Variants in VPS36 observed in about 807,000 individuals in gnomAD.
VPS36 encodes vacuolar protein sorting 36 homolog, also known as vacuolar protein-sorting-associated protein 36.
VPS36 carries 31 observed loss-of-function variants against 63.5 expected under a neutral mutation model. The observed-to-expected ratio is 0.49, with a 90% confidence interval of 0.37 to 0.66. VPS36 has a LOEUF of 0.66. Among genes scored for constraint, VPS36 ranks in the 30% least tolerant of loss-of-function variants. The probability of loss-of-function intolerance (pLI) is 0.00; values close to 1 mark genes in which losing one functional copy is unlikely to be tolerated. For synonymous variants in VPS36, 138 were observed against 157.2 expected (o/e 0.88, Z 0.91); for missense variants, 338 against 463.7 (o/e 0.73, Z 2.49).
At chr13:52,424,709 G>T (rs1466716378) in intron 9 of VPS36, among the ~76,000 whole-genome samples, 2 of 152,164 alleles carry the variant, frequency 1.3e-5, no homozygotes, top group Non-Finnish European at 2.9e-5. Context: ...ATACTAGGCC[G>T]GCACGGTGGC....
chr13:52,450,418 C>CCCGGGCCGCGCTGAG (rs1222170960), intron 1 of VPS36, 81 bp downstream of exon 1: 3 of 1,431,708 alleles, frequency 2.1e-6, no homozygotes, highest in South Asian at 1.3e-5. Flanking sequence ...GCCGCGCCGA[C>CCCGGGCCGCGCTGAG]CCGGGCCGCG....
At chr13:52,435,513 G>A (rs545787000) in intron 4 of VPS36, among the ~76,000 whole-genome samples, 1 of 152,052 alleles carries the variant, frequency 6.6e-6, no homozygotes, top group Non-Finnish European at 1.5e-5. Context: ...GATTGTTTTC[G>A]ATCTATAATG....
intron 1 of VPS36, 45 bp downstream of exon 1, chr13:52,450,454 G>T: frequency 1.3e-6 from 2 of 1,557,970 alleles, no homozygotes; most frequent in Non-Finnish European, 8.7e-7. Context: ...CGCCCACCGG[G>T]GGTCCCTTCC....
At position 52,450,615 on chromosome 13, in the gene VPS36, G is replaced by A. The variant is rs112322281; in HGVS notation, c.-21C>T. 1 of 1,549,418 alleles carries A rather than the reference G, an allele frequency of 6.5e-7. No homozygotes were observed. The highest frequency in any genetic ancestry group is 1.9e-5 in the Admixed American group (1 of 53,292). On this transcript the variant is annotated 5_prime_UTR_variant, in exon 1 of 14. Transcript: ENST00000378060. ...TCCATGGCCGCTGCCACCCAGCCCC[G>A]GCCCTCCGAGGCCGCGAGCAGCGCG...
At chr13:52,418,591 A>G (rs1279348798) in intron 10 of VPS36, among the ~76,000 whole-genome samples, 6 of 150,986 alleles carry the variant, frequency 4.0e-5, no homozygotes, top group Admixed American at 2.6e-4. Flanking sequence ...AAAAAAAAAA[A>G]AAAAAAAGTA....
intron 1 of VPS36, among the ~76,000 whole-genome samples, chr13:52,446,876 A>AT (rs1958348861): frequency 7.2e-6 from 1 of 137,986 alleles, no homozygotes; most frequent in African/African-American, 2.5e-5. Flanking sequence ...AGGGCATGCC[A>AT]TAATTTTTTT....
chr13:52,426,445 C>T (rs999964495), intron 8 of VPS36, among the ~76,000 whole-genome samples: 1 of 152,198 alleles, frequency 6.6e-6, no homozygotes, highest in African/African-American at 2.4e-5. Flanking sequence ...AACAGCCACT[C>T]CTTGTACATT....
chr13:52,434,979 T>C (rs1958199711), intron 4 of VPS36, 97 bp from the exon 5 acceptor site: 3 of 1,286,658 alleles, frequency 2.3e-6, no homozygotes, highest in Non-Finnish European at 2.1e-6. Context: ...TTCTTTTTTT[T>C]TTTTTTTTTG....
rs141097388 is a variant in VPS36, at chr13:52,450,571, G to A, written c.24C>T (p.Ser8=). The change falls in exon 1 of 14, where the codon AGC becomes AGT. Residue 8 remains serine, a synonymous_variant. Transcript: ENST00000378060. MDRFVWT[S]GLLEINETLV... ...GGGTCTCGTTGATCTCCAGGAGGCC[G>A]CTGGTCCAAACGAAGCGGTCCATGG... 1,258 of 1,591,566 alleles carry A rather than the reference G, an allele frequency of 7.9e-4. 7 individuals are homozygous for A. The East Asian group carries it at 0.014, about 18-fold the overall frequency.
intron 1 of VPS36, chr13:52,450,266 G>A: frequency 8.8e-7 from 1 of 1,135,274 alleles, no homozygotes; most frequent in Non-Finnish European, 1.1e-6. Flanking sequence ...GCTGGGAACC[G>A]TGCCAAAGTT....
intron 6 of VPS36, among the ~76,000 whole-genome samples, chr13:52,431,531 G>A (rs368060416): frequency 3.9e-5 from 6 of 151,968 alleles, no homozygotes; most frequent in South Asian, 4.2e-4. Context: ...TTGGGAGGCC[G>A]AGGCAGGCGG....
At chr13:52,431,388 G>T (rs996157271) in intron 6 of VPS36, among the ~76,000 whole-genome samples, 2 of 152,108 alleles carry the variant, frequency 1.3e-5, no homozygotes, top group Admixed American at 1.3e-4. Context: ...CATTGAAAAA[G>T]CCTAGAAACA....
chr13:52,439,201 T>A, intron 2 of VPS36, 33 bp from the exon 3 acceptor site: 5 of 1,580,530 alleles, frequency 3.2e-6, no homozygotes, highest in Non-Finnish European at 4.3e-6. Flanking sequence ...AATGAAAGAC[T>A]CTAAACAACA....
intron 10 of VPS36, among the ~76,000 whole-genome samples, chr13:52,421,743 C>T (rs186629339): frequency 2.5e-3 from 377 of 152,004 alleles, no homozygotes; most frequent in African/African-American, 7.2e-3. Flanking sequence ...AGACTGGTCT[C>T]GAACTCCTGA....
intron 4 of VPS36, 102 bp downstream of exon 4, chr13:52,436,188 A>C (rs1958213263): frequency 1.6e-5 from 12 of 737,508 alleles, no homozygotes; most frequent in Admixed American, 7.8e-5. Context: ...ATGTTGTATA[A>C]TACTACCTTC....
Position 52,414,801 on chromosome 13 carries a change from CAT to C in VPS36, c.*1027_*1028del, listed in dbSNP as rs528119845. The stretch of plus-strand genomic sequence containing the variant: ...AACATACTGGAGGCTGTAGCAATAA[CAT>C]GTGAAGTCAGGCAGTCACTTTAAAA... On this transcript the variant is annotated 3_prime_UTR_variant, in exon 14 of 14. Coordinates refer to ENST00000378060, the MANE Select transcript of VPS36 (RefSeq NM_016075.4). The C allele has an allele frequency of 1.8e-4, 28 of 152,324 alleles. No individual in the cohort carries two copies. In the South Asian group the frequency reaches 5.4e-3, roughly 29 times the overall value. The allele number at this position is 152,324 out of a possible 1,614,324, so 9.4% of individuals were successfully genotyped here.
intron 10 of VPS36, among the ~76,000 whole-genome samples, chr13:52,419,592 T>C (rs923420754): frequency 1.3e-5 from 2 of 152,110 alleles, no homozygotes; most frequent in African/African-American, 4.8e-5. Flanking sequence ...TGGCGATTTC[T>C]CAAAAAACTG....
chr13:52,441,164 A>G (rs1958272159), intron 2 of VPS36, among the ~76,000 whole-genome samples: 1 of 152,150 alleles, frequency 6.6e-6, no homozygotes, highest in African/African-American at 2.4e-5. Flanking sequence ...TAAGGCATGC[A>G]TTATCAACAG....
At chr13:52,436,486 T>G in intron 3 of VPS36, 82 bp from the exon 4 acceptor site, 1 of 976,982 alleles carries the variant, frequency 1.0e-6, no homozygotes, top group Admixed American at 2.4e-5. Flanking sequence ...TTTTATGTAT[T>G]TCAAATCACT....
Sources: gnomAD v4.1 joint callset for allele counts (sites outside exome capture counted in the v4.1 genomes callset) on GRCh38, gnomAD v4.1.1 for gene constraint, MANE v1.5 for transcripts, NCBI Gene and HGNC (gene_info 2026-07-23, HGNC 2026-07-21) for gene names.